CST8: variants seen among roughly 807,000 people sequenced by gnomAD.
The protein encoded by CST8 is cystatin-8.
In CST8, 20 loss-of-function variants were observed where a neutral mutation model predicts 11.8. The observed-to-expected ratio is 1.70, with a 90% confidence interval of 1.20 to 2.47. The LOEUF (loss-of-function observed/expected upper bound fraction) is 2.47, where lower values mean the gene tolerates loss of function less well. CST8 is among the 30% of genes most tolerant of loss of function. CST8 has a pLI of 0.00. For synonymous variants in CST8, 77 were observed against 63.1 expected, an observed-to-expected ratio of 1.22 and a Z score of -1.05; for missense variants, 196 against 167.2, an observed-to-expected ratio of 1.17 and a Z score of -0.95.
intron 3 of CST8, among the ~76,000 whole-genome samples, chr20:23,495,097 G>A (rs6137986): frequency 6.6e-6 from 1 of 152,262 alleles, no homozygotes; most frequent in Admixed American, 6.5e-5. Context: ...AGTTTGCTTA[G>A]GATAATGGTC....
chr20:23,506,737 G>A, the CST8 span, among the ~76,000 whole-genome samples: 2 of 152,242 alleles, frequency 1.3e-5, no homozygotes, highest in South Asian at 4.2e-4. Flanking sequence ...CATAACTCCT[G>A]AGTCTTACCT....
downstream of CST8, among the ~76,000 whole-genome samples, chr20:23,499,162 A>G (rs1449798915): frequency 6.6e-6 from 1 of 152,184 alleles, no homozygotes; most frequent in African/African-American, 2.4e-5. Context: ...TGTGCTGTGT[A>G]CAGATCTGCT....
the CST8 span, among the ~76,000 whole-genome samples, chr20:23,505,593 GAA>G: frequency 2.6e-5 from 4 of 152,194 alleles, no homozygotes; most frequent in Non-Finnish European, 5.9e-5. Flanking sequence ...TGAAGAATGA[GAA>G]AGAGTGGGGT....
In CST8 at chr20:23,491,727, C is replaced by T. The variant is rs768894322; in HGVS notation, c.60C>T (p.Ala20=). The T allele has an allele frequency of 2.5e-6, 4 of 1,613,850 alleles. No homozygotes were observed. Among genetic ancestry groups the T allele is most frequent in the Non-Finnish European group, 3.4e-6 (4 of 1,179,966 alleles). The change falls in exon 2 of 4, where the codon GCC becomes GCT. Residue 20 remains alanine (A), a synonymous_variant. Transcript: ENST00000246012. ...TCACCATTCCCCTGGCCCTGGTGGC[C>T]AGGAAAGACCCAAAAAAGAATGAGA... ...ILLTIPLALV[A]RKDPKKNETG...
At chr20:23,506,919 G>A in the CST8 span, among the ~76,000 whole-genome samples, 1 of 152,174 alleles carries the variant, frequency 6.6e-6, no homozygotes, top group African/African-American at 2.4e-5. Context: ...GGTTTGGGGT[G>A]CCCTGGCTCT....
At chr20:23,496,091 G>C, downstream of CST8, 2 of 584,036 alleles carry the variant, frequency 3.4e-6, no homozygotes, top group Non-Finnish European at 6.0e-6. Flanking sequence ...GGTCCTCTTT[G>C]CTGGCACCGA....
chr20:23,501,798 A>T, the CST8 span, among the ~76,000 whole-genome samples: 1 of 152,232 alleles, frequency 6.6e-6, no homozygotes, highest in African/African-American at 2.4e-5. Context: ...AATGAACATC[A>T]TGTCCCTGGA....
At chr20:23,505,424 G>A in the CST8 span, among the ~76,000 whole-genome samples, 1 of 151,986 alleles carries the variant, frequency 6.6e-6, no homozygotes, top group Non-Finnish European at 1.5e-5. Context: ...GGTTACAGGC[G>A]TGAGCCACCG....
At chr20:23,496,014 A>T (rs1237741537), downstream of CST8, 1 of 887,204 alleles carries the variant, frequency 1.1e-6, no homozygotes, top group Non-Finnish European at 1.8e-6. Context: ...TTCTTCATGC[A>T]TGCCTCTCTG....
At chr20:23,506,067 T>G in the CST8 span, among the ~76,000 whole-genome samples, 1 of 152,182 alleles carries the variant, frequency 6.6e-6, no homozygotes, top group African/African-American at 2.4e-5. Context: ...TTTTAGTTGT[T>G]GCTGTAAGTA....
chr20:23,498,560 G>T (rs1988113708), downstream of CST8, among the ~76,000 whole-genome samples: 1 of 152,166 alleles, frequency 6.6e-6, no homozygotes, highest in Non-Finnish European at 1.5e-5. Context: ...CTGCCTTCAG[G>T]CAGCAGAGAC....
chr20:23,500,918 G>C (rs1988167196), downstream of CST8, among the ~76,000 whole-genome samples: 1 of 152,146 alleles, frequency 6.6e-6, no homozygotes, highest in Non-Finnish European at 1.5e-5. Context: ...CTTGAAATTT[G>C]GAAAAAGGCA....
At position 23,495,914 on chromosome 20, in the gene CST8, A is replaced by G. The variant is rs764168823; in HGVS notation, c.429A>G (p.Ter143=). 6.2e-6 allele frequency: 10 copies of G among 1,606,910 alleles called. No homozygotes were observed. Among genetic ancestry groups the G allele is most frequent in the African/African-American group, 5.4e-5 (4 of 74,330 alleles). ...TGGAGAAAAAGTGTGAAGATGCTTAATGGTGTTTTGAGGCATCCCTCCAAC... is the reference window on the plus strand; with the variant it reads ...TGGAGAAAAAGTGTGAAGATGCTTAGTGGTGTTTTGAGGCATCCCTCCAAC... ...TVMEKKCEDA[*] is the part of the protein sequence containing the mutation. The change falls in exon 4 of 4, where the codon TAA becomes TAG. Residue 143 remains the stop codon, a stop_retained_variant. Coordinates refer to ENST00000246012, the MANE Select transcript of CST8 (RefSeq NM_005492.4).
At chr20:23,498,303 A>T (rs889525839), downstream of CST8, among the ~76,000 whole-genome samples, 2 of 152,206 alleles carry the variant, frequency 1.3e-5, no homozygotes, top group African/African-American at 2.4e-5. Context: ...ATAATTAAAA[A>T]TTTTAAAAAT....
downstream of CST8, chr20:23,496,111 C>G: frequency 1.8e-6 from 1 of 566,258 alleles, no homozygotes; most frequent in Non-Finnish European, 3.1e-6. Flanking sequence ...AACACAGCCA[C>G]GCACCTTTGT....
At position 23,495,902 on chromosome 20, in the gene CST8, T is replaced by G; in HGVS notation, c.417T>G (p.Cys139Trp). The change falls in exon 4 of 4, where the codon TGT (cysteine) becomes TGG (tryptophan). Residue 139 changes from cysteine (C) to tryptophan (W), a missense_variant. Transcript: ENST00000246012. Reference protein sequence around the residue: ...NGEFTVMEKKCEDA With the variant: ...NGEFTVMEKKWEDA Reference sequence around the variant, plus strand: ...AATTCACTGTGATGGAGAAAAAGTGTGAAGATGCTTAATGGTGTTTTGAGG... The same window carrying G: ...AATTCACTGTGATGGAGAAAAAGTGGGAAGATGCTTAATGGTGTTTTGAGG... 6.2e-7 allele frequency: 1 copy of G among 1,611,818 alleles called. No homozygotes were observed. Among genetic ancestry groups the G allele is most frequent in the South Asian group, 1.1e-5 (1 of 90,398 alleles).
the CST8 span, among the ~76,000 whole-genome samples, chr20:23,501,668 C>A: frequency 1.3e-5 from 2 of 152,314 alleles, no homozygotes; most frequent in Non-Finnish European, 2.9e-5. Context: ...GGCGACACTG[C>A]GAATGTACTA....
At chr20:23,495,788 T>C in intron 3 of CST8, 43 bp from the exon 4 acceptor site, 1 of 1,319,444 alleles carries the variant, frequency 7.6e-7, no homozygotes, top group Non-Finnish European at 1.1e-6. Flanking sequence ...TTTTTTTTTT[T>C]TTTTGGCACT....
Position 23,493,042 on chromosome 20 carries a change from GC to G in CST8, c.318del (p.Ile107PhefsTer7), listed in dbSNP as rs1352366909. 7.4e-6 allele frequency: 12 copies of G among 1,611,780 alleles called. No individual in the cohort carries two copies. The highest frequency in any genetic ancestry group is 1.0e-5 in the Non-Finnish European group (12 of 1,178,144). ...GCCTTTAAGCACTAATGAAATCTGC[GC>G]CATTCAAGAAAACTCCAAGCTGAAA... Reference protein sequence around the residue: ...RKPLSTNEICAIQENSKLKRK... With the variant: ...RKPLSTNEICXIQENSKLKRK... On this transcript the variant is annotated frameshift_variant, in exon 3 of 4. Transcript: ENST00000246012. LOFTEE classifies it low-confidence loss of function (END_TRUNC).
Sources: allele counts gnomAD v4.1 joint callset (sites outside exome capture counted in the v4.1 genomes callset), GRCh38; gene constraint gnomAD v4.1.1; transcripts MANE v1.5; gene names NCBI Gene and HGNC (gene_info 2026-07-23, HGNC 2026-07-21).